GPC5: variants seen among roughly 807,000 people sequenced by gnomAD.
GPC5 encodes glypican-5.
In GPC5, 47 loss-of-function variants were observed where a neutral mutation model predicts 53.9. The ratio of observed to expected loss-of-function variants is 0.87; its 90% CI spans 0.69 to 1.11. The LOEUF (loss-of-function observed/expected upper bound fraction) is 1.11, where lower values mean the gene tolerates loss of function less well. GPC5 is among the 50% of genes most tolerant of loss of function. The pLI is 0.00. For synonymous variants in GPC5, 286 were observed against 263.3 expected, an observed-to-expected ratio of 1.09 and a Z score of -0.84; for missense variants, 748 against 713.1, an observed-to-expected ratio of 1.05 and a Z score of -0.56.
intron 1 of GPC5, among the ~76,000 whole-genome samples, chr13:91,399,863 G>C (rs1304590095): frequency 6.6e-6 from 1 of 152,150 alleles, no homozygotes. Context: ...AGGGCAACAG[G>C]CGATCAAACC....
rs368747463 is a variant in GPC5, at chr13:92,781,712, G to C, written c.1562-84570G>C. The stretch of plus-strand genomic sequence containing the variant: ...GGATGCATAAAATAAATAAGGGAAC[G>C]CTTTCATTATTTAAAACTTTACTCA... On this transcript the variant is annotated intron_variant, in intron 7 of 7. Coordinates refer to ENST00000377067, the MANE Select transcript of GPC5 (RefSeq NM_004466.6). Among the ~76,000 whole-genome samples the C allele has an allele frequency of 2.6e-5, 4 of 152,074 alleles. No individual in the cohort carries two copies. In the East Asian group the frequency reaches 7.7e-4, roughly 29 times the overall value.
rs531052629 is a variant in GPC5 at position 92,146,338 on chromosome 13, G to T, written c.1561+1349G>T. 2.3e-4 allele frequency among the ~76,000 whole-genome samples: 35 copies of T among 152,006 alleles called. No individual in the cohort carries two copies. In the South Asian group the frequency reaches 5.4e-3, roughly 23 times the overall value. ...AAGAAAATAAAGACAATGTATTTGG[G>T]AATTAGCAAGAGAATTTGGAAATGA... On this transcript the variant is annotated intron_variant, in intron 7 of 7. Coordinates refer to ENST00000377067, the MANE Select transcript of GPC5 (RefSeq NM_004466.6).
intron 2 of GPC5, among the ~76,000 whole-genome samples, chr13:91,669,249 C>T (rs1322253744): frequency 1.3e-5 from 2 of 152,112 alleles, no homozygotes; most frequent in Non-Finnish European, 2.9e-5. Context: ...ATTACGAGCA[C>T]ACTGCAAACA....
At chr13:92,274,416 G>T (rs1193517872) in intron 7 of GPC5, among the ~76,000 whole-genome samples, 1 of 151,964 alleles carries the variant, frequency 6.6e-6, no homozygotes, top group Admixed American at 6.6e-5. Flanking sequence ...CCCTCTCCAT[G>T]AGGCATGCAA....
intron 7 of GPC5, among the ~76,000 whole-genome samples, chr13:92,233,057 G>T (rs1594020402): frequency 1.3e-5 from 2 of 152,286 alleles, no homozygotes; most frequent in East Asian, 1.9e-4. Context: ...GCTATCTCCA[G>T]ATTATTGCTT....
chr13:91,494,659 T>C (rs1884151184), intron 2 of GPC5, among the ~76,000 whole-genome samples: 1 of 152,162 alleles, frequency 6.6e-6, no homozygotes, highest in Non-Finnish European at 1.5e-5. Context: ...AGCAGCCAAT[T>C]TTCTGTCTTC....
chr13:92,813,664 A>G (rs1231586264), intron 7 of GPC5, among the ~76,000 whole-genome samples: 4 of 152,066 alleles, frequency 2.6e-5, no homozygotes, highest in African/African-American at 9.7e-5. Flanking sequence ...TCAATGTTAT[A>G]TAAACAGTAG....
chr13:92,181,911 A>C (rs1593969486), intron 7 of GPC5, among the ~76,000 whole-genome samples: 1 of 152,238 alleles, frequency 6.6e-6, no homozygotes, highest in Non-Finnish European at 1.5e-5. Flanking sequence ...TTTAAAGGAT[A>C]GATAATAAGG....
intron 7 of GPC5, among the ~76,000 whole-genome samples, chr13:92,613,565 T>C (rs1399126381): frequency 2.4e-5 from 3 of 122,960 alleles, no homozygotes; most frequent in South Asian, 4.4e-4. Context: ...TATACAATAA[T>C]ATATATAATA....
intron 2 of GPC5, among the ~76,000 whole-genome samples, chr13:91,549,454 A>G (rs562682215): frequency 6.6e-6 from 1 of 152,264 alleles, no homozygotes; most frequent in Admixed American, 6.5e-5. Flanking sequence ...TGTCAAGAGA[A>G]TGAGAAAACA....
At chr13:91,508,128 A>G (rs1277662253) in intron 2 of GPC5, among the ~76,000 whole-genome samples, 1 of 152,174 alleles carries the variant, frequency 6.6e-6, no homozygotes, top group Non-Finnish European at 1.5e-5. Context: ...CAAAATACCT[A>G]ATGTTTTCAA....
chr13:92,833,834 C>A (rs1273543395), intron 7 of GPC5, among the ~76,000 whole-genome samples: 2 of 152,022 alleles, frequency 1.3e-5, no homozygotes, highest in African/African-American at 2.4e-5. Flanking sequence ...AAAGCTTTAA[C>A]ATAATTAAAG....
intron 7 of GPC5, among the ~76,000 whole-genome samples, chr13:92,513,141 A>G (rs1880637068): frequency 6.6e-6 from 1 of 152,158 alleles, no homozygotes; most frequent in Admixed American, 6.5e-5. Context: ...TATTGTTCGT[A>G]CTTGAATACT....
At chr13:92,274,910 C>A (rs558434755) in intron 7 of GPC5, among the ~76,000 whole-genome samples, 5 of 152,018 alleles carry the variant, frequency 3.3e-5, no homozygotes, top group Non-Finnish European at 7.4e-5. Context: ...TTGGAATAAG[C>A]CTGCCACTGT....
chr13:91,471,285 C>A (rs1436487535), intron 2 of GPC5, among the ~76,000 whole-genome samples: 1 of 152,074 alleles, frequency 6.6e-6, no homozygotes, highest in Non-Finnish European at 1.5e-5. Flanking sequence ...TGATCATGAA[C>A]CACCTGCTGT....
chr13:91,799,991 G>GT (rs886239374), intron 5 of GPC5, among the ~76,000 whole-genome samples: 6 of 152,016 alleles, frequency 3.9e-5, no homozygotes, highest in African/African-American at 1.2e-4. Context: ...TAAAATGAAA[G>GT]TATCAAGTAT....
chr13:92,002,648 A>G (rs2040565823), intron 6 of GPC5, among the ~76,000 whole-genome samples: 1 of 152,268 alleles, frequency 6.6e-6, no homozygotes, highest in Admixed American at 6.5e-5. Context: ...TAAAGTACCA[A>G]TTCAAATAGG....
intron 7 of GPC5, among the ~76,000 whole-genome samples, chr13:92,667,965 C>G (rs1390330364): frequency 6.6e-6 from 1 of 152,014 alleles, no homozygotes; most frequent in Non-Finnish European, 1.5e-5. Flanking sequence ...GCCTATGAAT[C>G]CTAGACACAC....
chr13:92,641,199 G>A (rs1232204117), intron 7 of GPC5, among the ~76,000 whole-genome samples: 1 of 152,086 alleles, frequency 6.6e-6, no homozygotes. Context: ...TTGACCTTTT[G>A]CTGCAAATTA....
Sources: allele counts gnomAD v4.1 joint callset (sites outside exome capture counted in the v4.1 genomes callset), GRCh38; gene constraint gnomAD v4.1.1; transcripts MANE v1.5; gene names NCBI Gene and HGNC (gene_info 2026-07-23, HGNC 2026-07-21).